Variants in GAB2 observed in about 807,000 individuals in gnomAD.
The protein encoded by GAB2 is GRB2-associated-binding protein 2.
GAB2 carries 26 observed loss-of-function variants against 65.5 expected under a neutral mutation model. The observed-to-expected ratio is 0.40, with a 90% CI of 0.29 to 0.55. GAB2 has a LOEUF of 0.55. Among genes scored for constraint, GAB2 ranks in the 20% least tolerant of loss-of-function variants. GAB2 has a pLI of 0.53. For synonymous variants in GAB2, 321 were observed against 329.6 expected, an observed-to-expected ratio of 0.97 and a Z score of 0.28; for missense variants, 884 against 875.8, an observed-to-expected ratio of 1.01 and a Z score of -0.12.
chr11:78,413,015 T>C (rs1408499828), intron 1 of GAB2, among the ~76,000 whole-genome samples: 1 of 152,240 alleles, frequency 6.6e-6, no homozygotes, highest in African/African-American at 2.4e-5. Context: ...GATGCCCAAG[T>C]TTCTCATCTG....
intron 1 of GAB2, among the ~76,000 whole-genome samples, chr11:78,354,807 TAGG>T (rs1236961647): frequency 6.6e-6 from 1 of 152,162 alleles, no homozygotes; most frequent in Non-Finnish European, 1.5e-5. Context: ...AAATGGCTCT[TAGG>T]AGAGAACTGG....
At chr11:78,387,513 T>C (rs75962879) in intron 1 of GAB2, among the ~76,000 whole-genome samples, 7 of 152,194 alleles carry the variant, frequency 4.6e-5, no homozygotes, top group Non-Finnish European at 8.8e-5. Flanking sequence ...TCTCAGTGGG[T>C]TGAGAAACAA....
chr11:78,331,680 T>C (rs1855916826), intron 1 of GAB2, among the ~76,000 whole-genome samples: 1 of 152,152 alleles, frequency 6.6e-6, no homozygotes, highest in Admixed American at 6.5e-5. Flanking sequence ...AAGCTTGAAG[T>C]CCTCAGGATA....
chr11:78,357,814 T>C (rs1856379135), intron 1 of GAB2, among the ~76,000 whole-genome samples: 1 of 152,170 alleles, frequency 6.6e-6, no homozygotes, highest in African/African-American at 2.4e-5. Flanking sequence ...GGAGAGGATG[T>C]GGAGAAATAG....
intron 2 of GAB2, among the ~76,000 whole-genome samples, chr11:78,265,244 A>G (rs560124483): frequency 6.8e-6 from 1 of 146,862 alleles, no homozygotes; most frequent in Non-Finnish European, 1.5e-5. Context: ...TATAAATCAT[A>G]AAGTGATTTT....
intron 1 of GAB2, among the ~76,000 whole-genome samples, chr11:78,400,393 C>G (rs1471069209): frequency 6.6e-6 from 1 of 152,188 alleles, no homozygotes; most frequent in Non-Finnish European, 1.5e-5. Context: ...TCTAGTCTTT[C>G]TAGTCTGCAA....
At position 78,375,903 on chromosome 11, in the gene GAB2, C is replaced by T. The variant is rs75233145; in HGVS notation, c.75+41743G>A. Among the ~76,000 whole-genome samples, 980 of 152,288 alleles carry T rather than the reference C, an allele frequency of 6.4e-3. 15 individuals carry two copies. Among genetic ancestry groups the T allele is most frequent in the African/African-American group, 0.022 (928 of 41,558 alleles). ...GCTTCTGGTGCCTGCCAGATGTGCT[C>T]AGACCATCCTACTCCTTATACCACC... On this transcript the variant is annotated intron_variant, in intron 1 of 9. Coordinates refer to ENST00000361507, the MANE Select transcript of GAB2 (RefSeq NM_080491.3).
chr11:78,277,273 C>A (rs1565138430), intron 2 of GAB2, among the ~76,000 whole-genome samples: 1 of 152,186 alleles, frequency 6.6e-6, no homozygotes, highest in Non-Finnish European at 1.5e-5. Context: ...ATACCTATTT[C>A]TTAAAAAGCT....
chr11:78,292,218 T>C (rs1162769561), intron 1 of GAB2, among the ~76,000 whole-genome samples: 1 of 152,238 alleles, frequency 6.6e-6, no homozygotes, highest in Non-Finnish European at 1.5e-5. Context: ...CTAGGTTTAC[T>C]GGCAGTTTTT....
At chr11:78,410,010 A>G (rs1857106240) in intron 1 of GAB2, among the ~76,000 whole-genome samples, 1 of 152,196 alleles carries the variant, frequency 6.6e-6, no homozygotes, top group Non-Finnish European at 1.5e-5. Flanking sequence ...TAAACAATGT[A>G]CTTGTAAATA....
intron 1 of GAB2, among the ~76,000 whole-genome samples, chr11:78,290,781 G>GA (rs1306106047): frequency 6.6e-6 from 1 of 152,152 alleles, no homozygotes; most frequent in East Asian, 1.9e-4. Flanking sequence ...GTACCAGCAG[G>GA]AGCAGTCTAC....
intron 1 of GAB2, among the ~76,000 whole-genome samples, chr11:78,293,269 C>T (rs925222520): frequency 6.6e-6 from 1 of 152,172 alleles, no homozygotes; most frequent in African/African-American, 2.4e-5. Flanking sequence ...CTTATTTGCT[C>T]CTCGGGCACA....
At chr11:78,354,938 G>A (rs376961523) in intron 1 of GAB2, among the ~76,000 whole-genome samples, 1 of 152,176 alleles carries the variant, frequency 6.6e-6, no homozygotes, top group South Asian at 2.1e-4. Flanking sequence ...ACAGCCTGGC[G>A]GCTCCCCAGT....
chr11:78,270,849 C>T (rs189273374), intron 2 of GAB2, among the ~76,000 whole-genome samples: 17 of 152,318 alleles, frequency 1.1e-4, no homozygotes, highest in South Asian at 6.2e-4. Flanking sequence ...CTCCCAACAA[C>T]GCTGTGAGGA....
chr11:78,241,443 T>C (rs1865131498), intron 3 of GAB2, among the ~76,000 whole-genome samples: 1 of 152,098 alleles, frequency 6.6e-6, no homozygotes. Flanking sequence ...CCAAAGGAAC[T>C]CTGGCTAGTA....
intron 1 of GAB2, among the ~76,000 whole-genome samples, chr11:78,382,855 G>A (rs1856715581): frequency 6.6e-6 from 1 of 152,226 alleles, no homozygotes; most frequent in Non-Finnish European, 1.5e-5. Flanking sequence ...TCAACAGTAT[G>A]AGATGAAAAC....
chr11:78,273,999 C>T (rs546265140), intron 2 of GAB2, among the ~76,000 whole-genome samples: 20 of 141,110 alleles, frequency 1.4e-4, no homozygotes, highest in Non-Finnish European at 2.0e-4. Context: ...GTCTATTAAA[C>T]CTGTTTTTTT....
chr11:78,322,118 A>G (rs1565158920), intron 1 of GAB2, among the ~76,000 whole-genome samples: 1 of 151,864 alleles, frequency 6.6e-6, no homozygotes, highest in Non-Finnish European at 1.5e-5. Flanking sequence ...CAGCCTGGCC[A>G]ACATGGCGAA....
chr11:78,226,922 G>A lies in GAB2; in HGVS notation c.750C>T (p.Ser250=). The A allele has an allele frequency of 6.2e-7, 1 of 1,613,944 alleles. No individual in the cohort carries two copies. The highest frequency in any genetic ancestry group is 8.5e-7 in the Non-Finnish European group (1 of 1,179,900). ...TATTGTGCCGGCTCGGCTTGGGAAG[G>A]CTATAGAAGCCATGGACTTGACCAC... ...GISGQVHGFY[S]LPKPSRHNTE... is the part of the protein sequence containing the mutation. Residue 250 remains serine (S), a synonymous_variant, in exon 4 of 10, where the codon AGC becomes AGT. Coordinates refer to ENST00000361507, the MANE Select transcript of GAB2 (RefSeq NM_080491.3).
Sources: gnomAD v4.1 joint callset for allele counts (sites outside exome capture counted in the v4.1 genomes callset) on GRCh38, gnomAD v4.1.1 for gene constraint, MANE v1.5 for transcripts, NCBI Gene and HGNC (gene_info 2026-07-23, HGNC 2026-07-21) for gene names.